BABAM1: variants seen among roughly 807,000 people sequenced by gnomAD.
The protein encoded by BABAM1 is BRISC and BRCA1-A complex member 1.
In BABAM1, 14 loss-of-function variants were observed where a neutral mutation model predicts 34.4. The observed-to-expected ratio is 0.41, with a 90% CI of 0.27 to 0.64. The LOEUF is 0.64. Ranked by LOEUF, BABAM1 falls within the 30% of genes least tolerant of loss-of-function variation. The probability of loss-of-function intolerance (pLI) is 0.34; values close to 1 mark genes in which losing one functional copy is unlikely to be tolerated. For missense variants in BABAM1, 393 were observed against 434.0 expected (o/e 0.91, Z 0.84); for synonymous variants, 169 against 165.8 (o/e 1.02, Z -0.15).
chr19:17,271,613 T>C lies in BABAM1; in HGVS notation c.302T>C (p.Leu101Pro), dbSNP rs1367861682. The stretch of plus-strand genomic sequence containing the variant: ...ACCTTGCAGATTATCTGCCTGGACC[T>C]GTCAGAGGAAATGTCACTGCCAAAG... ...CPEKVIICLD[L>P]SEEMSLPKLE... Residue 101 changes from leucine (L) to proline (P), a missense_variant, in exon 3 of 9, where the codon CTG becomes CCG. Coordinates refer to ENST00000598188, the MANE Select transcript of BABAM1 (RefSeq NM_014173.4). The C allele has an allele frequency of 1.9e-6, 3 of 1,613,756 alleles. No homozygotes were observed. The highest frequency in any genetic ancestry group is 1.1e-5 in the South Asian group (1 of 91,052).
chr19:17,276,323 C>A, intron 6 of BABAM1, 172 bp from the exon 7 acceptor site: 1 of 959,900 alleles, frequency 1.0e-6, no homozygotes, highest in Non-Finnish European at 1.5e-6. Context: ...GGGCTGGGAA[C>A]ATGCTCAGGG....
intron 5 of BABAM1, 145 bp from the exon 6 acceptor site, chr19:17,275,656 T>C: frequency 1.1e-6 from 1 of 936,626 alleles, no homozygotes; most frequent in Non-Finnish European, 1.7e-6. Context: ...GGGGAATTTG[T>C]GTGTCAGAGA....
At chr19:17,273,090 G>T (rs376541127) in intron 3 of BABAM1, among the ~76,000 whole-genome samples, 1 of 152,200 alleles carries the variant, frequency 6.6e-6, no homozygotes. Context: ...GCCCATTGAG[G>T]CTCCATTCAT....
chr19:17,279,078 G>A lies in BABAM1; in HGVS notation c.*30G>A, dbSNP rs372751037. 2 of 1,585,470 alleles carry A rather than the reference G, an allele frequency of 1.3e-6. No homozygotes were observed. The highest frequency in any genetic ancestry group is 2.3e-5 in the East Asian group (1 of 43,904). On this transcript the variant is annotated 3_prime_UTR_variant, in exon 9 of 9. Coordinates refer to ENST00000598188, the MANE Select transcript of BABAM1 (RefSeq NM_014173.4). ...TCCCTGTACATCTGCACCTTCTTGT[G>A]CAAGGAAGTCCTTGGCCTAAAGCCT... is the stretch of plus-strand genomic sequence containing the variant.
At chr19:17,270,552 A>G (rs1255171213) in intron 2 of BABAM1, among the ~76,000 whole-genome samples, 13 of 124,382 alleles carry the variant, frequency 1.0e-4, no homozygotes, top group Admixed American at 7.1e-4. Context: ...TTTGAGACGG[A>G]GTCCCGCTCT....
rs751588922 is a variant in BABAM1, at chr19:17,269,075, A to G, written c.269A>G (p.Asn90Ser). ...PEVQIRTPRV[N>S]CPEKVIICLD... The stretch of plus-strand genomic sequence containing the variant: ...GTCCAAATTCGGACACCAAGGGTCA[A>G]CTGTCCAGAGAAAGTGGTAAGTAGA... Residue 90 changes from asparagine (N) to serine (S), a missense_variant, in exon 2 of 9, where the codon AAC (asparagine) becomes AGC (serine). Asn to Ser is a conservative substitution (Grantham distance 46). Coordinates refer to ENST00000598188, the MANE Select transcript of BABAM1 (RefSeq NM_014173.4). 7 of 1,607,464 alleles carry G rather than the reference A, an allele frequency of 4.4e-6. No homozygotes were observed. In the East Asian group the frequency reaches 1.6e-4, roughly 36 times the overall value.
At chr19:17,269,344 C>CT (rs1190062780) in intron 2 of BABAM1, among the ~76,000 whole-genome samples, 1 of 141,820 alleles carries the variant, frequency 7.1e-6, no homozygotes, top group Non-Finnish European at 1.5e-5. Context: ...TTCATTTTGT[C>CT]TGTCTTTTTT....
At chr19:17,278,401 C>T (rs1378726781) in intron 8 of BABAM1, among the ~76,000 whole-genome samples, 5 of 149,884 alleles carry the variant, frequency 3.3e-5, no homozygotes, top group South Asian at 2.2e-4. Context: ...CTCCGCCTCC[C>T]GGGTTTGCGC....
intron 3 of BABAM1, among the ~76,000 whole-genome samples, chr19:17,273,578 T>C: frequency 7.3e-6 from 1 of 136,908 alleles, no homozygotes; most frequent in African/African-American, 2.8e-5. Context: ...TTTTTTTTTT[T>C]TTTGAGACAG....
chr19:17,269,005 G>A lies in BABAM1; in HGVS notation c.199G>A (p.Gly67Arg), dbSNP rs768596833. ...TGATGATGGGAGCCTCAACACTTCA[G>A]GAGCCGGCCCTAAGTCCTGGCAGGT... The part of the protein sequence containing the change: ...SADDGSLNTS[G>R]AGPKSWQVPP... Residue 67 changes from glycine to arginine, a missense_variant, in exon 2 of 9, where the codon GGA becomes AGA. Transcript: ENST00000598188. The A allele has an allele frequency of 1.3e-6, 2 of 1,587,804 alleles. No homozygotes were observed. Among genetic ancestry groups the A allele is most frequent in the South Asian group, 2.3e-5 (2 of 87,386 alleles).
Position 17,279,020 on chromosome 19 carries a change from A to G in BABAM1, c.962A>G (p.Glu321Gly). The G allele has an allele frequency of 6.2e-7, 1 of 1,612,290 alleles. No individual in the cohort carries two copies. The highest frequency in any genetic ancestry group is 8.5e-7 in the Non-Finnish European group (1 of 1,179,348). The change falls in exon 9 of 9, where the codon GAA (glutamate) becomes GGA (glycine). Residue 321 changes from glutamate (E) to glycine (G), a missense_variant. Transcript: ENST00000598188. ...ASYSLLEEED[E>G]AIEVEATV ...TACAGCCTGCTGGAGGAGGAGGATG[A>G]AGCCATTGAGGTTGAGGCCACTGTC...
At position 17,275,320 on chromosome 19, in the gene BABAM1, C is replaced by T. The variant is rs377171424; in HGVS notation, c.545-481C>T. 1.0e-4 allele frequency among the ~76,000 whole-genome samples: 15 copies of T among 149,668 alleles called. No homozygotes were observed. In the East Asian group the frequency reaches 1.4e-3, roughly 14 times the overall value. Reference sequence around the variant, plus strand: ...TATATTTTTTTTTGAGATGGAGTCTCGCTCTTGTTGCCCAGGCTGGAGTGC... The same window carrying T: ...TATATTTTTTTTTGAGATGGAGTCTTGCTCTTGTTGCCCAGGCTGGAGTGC... On this transcript the variant is annotated intron_variant, in intron 5 of 8. Transcript: ENST00000598188.
chr19:17,276,805 TCTTTA>T lies in BABAM1; in HGVS notation c.700-14_700-10del, dbSNP rs779490101. ...TGACCCAAGCCCCAGAGGCTGGTGT[TCTTTA>T]CTTCCCCTGCAGAAAATGTTCCAGT... On this transcript the variant is annotated splice_polypyrimidine_tract_variant and intron_variant, in intron 7 of 8. Transcript: ENST00000598188. The T allele has an allele frequency of 6.3e-7, 1 of 1,596,388 alleles. No individual in the cohort carries two copies. Among genetic ancestry groups the T allele is most frequent in the Non-Finnish European group, 8.5e-7 (1 of 1,171,348 alleles).
chr19:17,278,599 G>A (rs1384547534), intron 8 of BABAM1, among the ~76,000 whole-genome samples: 3 of 151,500 alleles, frequency 2.0e-5, no homozygotes, highest in Non-Finnish European at 4.4e-5. Context: ...GTGAGCCACC[G>A]CGCCCGGCCC....
intron 6 of BABAM1, 145 bp from the exon 7 acceptor site, chr19:17,276,350 T>G: frequency 7.8e-7 from 1 of 1,277,242 alleles, no homozygotes; most frequent in Non-Finnish European, 1.1e-6. Flanking sequence ...GAACCGCTTA[T>G]GGGATGCCTC....
chr19:17,277,128 T>G (rs1183384305), intron 8 of BABAM1: 3 of 513,608 alleles, frequency 5.8e-6, no homozygotes, highest in Non-Finnish European at 1.0e-5. Flanking sequence ...ACATGTTGAG[T>G]CCTGCCTCCC....
chr19:17,274,275 C>A, intron 5 of BABAM1, 90 bp downstream of exon 5: 1 of 1,495,230 alleles, frequency 6.7e-7, no homozygotes, highest in Non-Finnish European at 9.2e-7. Context: ...ATGACTCTGG[C>A]TGGCTGAGGT....
At chr19:17,274,446 T>G in intron 5 of BABAM1, 2 of 486,186 alleles carry the variant, frequency 4.1e-6, no homozygotes, top group Non-Finnish European at 3.7e-6. Flanking sequence ...TCCATGCCTA[T>G]AATCCCAGCG....
rs2073901543 is a variant in BABAM1 at position 17,275,815 on chromosome 19, T to C, written c.559T>C (p.Phe187Leu). Reference sequence around the variant, plus strand: ...ACCCCCACCAGATCTGGAAGGACTTTTCAGCCTCATGTAAGTCCCCTGTGG... The same window carrying C: ...ACCCCCACCAGATCTGGAAGGACTTCTCAGCCTCATGTAAGTCCCCTGTGG... The part of the protein sequence containing the change: ...SCSTFNLEGL[F>L]SLIQQKTELP... The change falls in exon 6 of 9, where the codon TTC (phenylalanine) becomes CTC (leucine). Residue 187 changes from phenylalanine (F) to leucine (L), a missense_variant. Transcript: ENST00000598188. 1 of 1,613,714 alleles carries C rather than the reference T, an allele frequency of 6.2e-7. No individual in the cohort carries two copies.
Sources: allele counts gnomAD v4.1 joint callset (sites outside exome capture counted in the v4.1 genomes callset), GRCh38; gene constraint gnomAD v4.1.1; transcripts MANE v1.5; gene names NCBI Gene and HGNC (gene_info 2026-07-23, HGNC 2026-07-21).